CCDC30: variants seen among roughly 807,000 people sequenced by gnomAD.
CCDC30 encodes the protein coiled-coil domain-containing protein 30.
Under a neutral mutation model 100.2 loss-of-function variants are expected in CCDC30, and 70 were observed. The ratio of observed to expected loss-of-function variants is 0.70; its 90% CI spans 0.58 to 0.85. The LOEUF (loss-of-function observed/expected upper bound fraction) is 0.85. Ranked by LOEUF, CCDC30 falls within the 40% of genes least tolerant of loss-of-function variation. The pLI is 0.00. For missense variants in CCDC30, 652 were observed against 771.2 expected, an observed-to-expected ratio of 0.85 and a Z score of 1.83; for synonymous variants, 233 against 269.5, an observed-to-expected ratio of 0.86 and a Z score of 1.33.
chr1:42,643,648 C>T (rs1647634424), intron 13 of CCDC30, among the ~76,000 whole-genome samples: 1 of 149,824 alleles, frequency 6.7e-6, no homozygotes, highest in Non-Finnish European at 1.5e-5. Flanking sequence ...CAGTAAGTTT[C>T]TTCCAAGGAG....
upstream of CCDC30, among the ~76,000 whole-genome samples, chr1:42,463,006 GGCGGGAAGTTCTTTGA>G (rs1342562341): frequency 3.1e-3 from 471 of 152,322 alleles, 3 homozygotes; most frequent in African/African-American, 0.011. Context: ...GCTGAGTCCT[GGCGGGAAGTTCTTTGA>G]GAGCTAGAAC....
chr1:42,485,730 T>A (rs562997091), intron 3 of CCDC30, among the ~76,000 whole-genome samples: 1 of 152,180 alleles, frequency 6.6e-6, no homozygotes, highest in African/African-American at 2.4e-5. Context: ...CATGAAAAGA[T>A]GCTCAGCACC....
chr1:42,570,718 CAG>C (rs143641883), intron 7 of CCDC30, among the ~76,000 whole-genome samples: 30,417 of 152,042 alleles, frequency 0.2, 3,339 homozygotes, highest in South Asian at 0.42. Context: ...AAAATATAAT[CAG>C]TATTTATACC....
intron 6 of CCDC30, among the ~76,000 whole-genome samples, chr1:42,555,482 C>G (rs1645350317): frequency 6.6e-6 from 1 of 152,190 alleles, no homozygotes; most frequent in Admixed American, 6.5e-5. Context: ...CCTTGGGGCA[C>G]AGATCATGTC....
chr1:42,497,033 G>C (rs1030645383), intron 4 of CCDC30, 65 bp from the exon 5 acceptor site: 7 of 800,156 alleles, frequency 8.7e-6, no homozygotes, highest in Non-Finnish European at 1.2e-5. Flanking sequence ...TTCGTTTTTA[G>C]AGTTAGTGCC....
intron 11 of CCDC30, among the ~76,000 whole-genome samples, chr1:42,620,260 A>T (rs1293984856): frequency 1.3e-5 from 2 of 152,210 alleles, no homozygotes; most frequent in African/African-American, 4.8e-5. Flanking sequence ...GAAGAGAGAG[A>T]GGAGTAGAAA....
intron 6 of CCDC30, among the ~76,000 whole-genome samples, chr1:42,505,520 A>G (rs1390303112): frequency 6.6e-6 from 1 of 152,244 alleles, no homozygotes; most frequent in Non-Finnish European, 1.5e-5. Context: ...GTAAAAACAA[A>G]TTATGATAGG....
chr1:42,483,067 CCT>C (rs1350644925), intron 3 of CCDC30: 1 of 292,902 alleles, frequency 3.4e-6, no homozygotes, highest in Non-Finnish European at 6.2e-6. Flanking sequence ...TCAGAAGTCC[CCT>C]GTGTTCCTTC....
At chr1:42,456,550 G>A in the CCDC30 span, 57 of 1,453,394 alleles carry the variant, frequency 3.9e-5, no homozygotes, top group Middle Eastern at 1.9e-4. Context: ...CGCAGGCGCC[G>A]GCCGCTGCGC....
At chr1:42,611,220 A>G (rs1004730751) in intron 11 of CCDC30, 130 bp downstream of exon 15, 5 of 544,142 alleles carry the variant, frequency 9.2e-6, no homozygotes, top group Non-Finnish European at 1.6e-5. Flanking sequence ...TAAAATTCCT[A>G]TGTTTCCAAA....
chr1:42,519,254 G>T (rs181366284), intron 6 of CCDC30, among the ~76,000 whole-genome samples: 2 of 152,092 alleles, frequency 1.3e-5, no homozygotes, highest in Non-Finnish European at 2.9e-5. Context: ...TTTTCCTGTG[G>T]TATCTTTATC....
chr1:42,530,413 T>G (rs1172100271), intron 6 of CCDC30, among the ~76,000 whole-genome samples: 2 of 152,194 alleles, frequency 1.3e-5, no homozygotes, highest in African/African-American at 4.8e-5. Context: ...GAAAAAACAG[T>G]ACAGTTGGCT....
intron 11 of CCDC30, among the ~76,000 whole-genome samples, chr1:42,635,077 A>T (rs1330769859): frequency 6.6e-6 from 1 of 151,944 alleles, no homozygotes; most frequent in Admixed American, 6.6e-5. Flanking sequence ...GTTTTTTGAG[A>T]TGAAGTCTCC....
chr1:42,556,408 A>G lies in CCDC30; in HGVS notation c.457-9888A>G, dbSNP rs1019655165. ...GTTCAGATGACAGTGGTGCCCAGGTAGGTGCTATAAACACATGCCCTGACT... is the reference window on the plus strand; with the variant it reads ...GTTCAGATGACAGTGGTGCCCAGGTGGGTGCTATAAACACATGCCCTGACT... On this transcript the variant is annotated intron_variant, in intron 6 of 16. Coordinates refer to ENST00000668663, the Ensembl canonical transcript of CCDC30. The G allele has an allele frequency of 2.5e-6, 4 of 1,602,528 alleles. No individual in the cohort carries two copies. The highest frequency in any genetic ancestry group is 2.7e-5 in the African/African-American group (2 of 74,382).
At position 42,549,796 on chromosome 1, in the gene CCDC30, A is replaced by G. The variant is rs140342187; in HGVS notation, c.457-16500A>G. The stretch of plus-strand genomic sequence containing the variant: ...AGTTGGAATTCCAATAGCAGCCCCA[A>G]GCTTATAGAGCCCAGCTGATCTCAG... On this transcript the variant is annotated intron_variant, in intron 6 of 16. Coordinates refer to ENST00000668663, the Ensembl canonical transcript of CCDC30. 1.3e-3 allele frequency among the ~76,000 whole-genome samples: 198 copies of G among 152,302 alleles called. 1 individual carries two copies. Among genetic ancestry groups the G allele is most frequent in the African/African-American group, 4.6e-3 (192 of 41,562 alleles).
chr1:42,525,799 G>C (rs1220586632), intron 6 of CCDC30, among the ~76,000 whole-genome samples: 7 of 152,128 alleles, frequency 4.6e-5, no homozygotes. Context: ...GGCTAGAATA[G>C]TCCTACCCTT....
intron 8 of CCDC30, among the ~76,000 whole-genome samples, chr1:42,578,560 TAA>T (rs1645891954): frequency 6.6e-6 from 1 of 152,146 alleles, no homozygotes; most frequent in Non-Finnish European, 1.5e-5. Flanking sequence ...GTAAAATTGG[TAA>T]AGATTGGCAA....
rs61777391 is a variant in CCDC30 at position 42,556,167 on chromosome 1, G to A, written c.457-10129G>A. The A allele has an allele frequency of 1.2e-4, 199 of 1,609,078 alleles. No individual in the cohort carries two copies. Among genetic ancestry groups the A allele is most frequent in the Middle Eastern group, 6.6e-4 (4 of 6,040 alleles). On this transcript the variant is annotated intron_variant, in intron 6 of 16. Transcript: ENST00000668663. The stretch of plus-strand genomic sequence containing the variant: ...ATATTTGCACCAAGTCCCAAATTAG[G>A]AGAAAGAAAGCAGAAGGAAATTCCA...
At chr1:42,500,182 G>A (rs992422236) in intron 6 of CCDC30, 23 of 1,477,864 alleles carry the variant, frequency 1.6e-5, no homozygotes, top group Non-Finnish European at 2.0e-5. Flanking sequence ...AACGTACAGT[G>A]CATATTGGCG....
Sources: allele counts gnomAD v4.1 joint callset (sites outside exome capture counted in the v4.1 genomes callset), GRCh38; gene constraint gnomAD v4.1.1; transcripts MANE v1.5; gene names NCBI Gene and HGNC (gene_info 2026-07-23, HGNC 2026-07-21).